ZMAT1: variants seen among roughly 807,000 people sequenced by gnomAD.
ZMAT1 encodes the protein zinc finger matrin-type protein 1.
In ZMAT1, 11 loss-of-function variants were observed where a neutral mutation model predicts 18.5. That is an observed-to-expected ratio of 0.59 (90% CI 0.37 to 0.98). The LOEUF is 0.98. Among genes scored for constraint, ZMAT1 ranks in the 50% least tolerant of loss-of-function variants. The pLI is 0.01. For synonymous variants in ZMAT1, 211 were observed against 176.4 expected, an observed-to-expected ratio of 1.20 and a Z score of -1.55; for missense variants, 525 against 496.2, an observed-to-expected ratio of 1.06 and a Z score of -0.55.
chrX:101,911,029 G>A (rs1928928423), intron 1 of ZMAT1, among the ~76,000 whole-genome samples: 1 of 110,798 alleles, frequency 9.0e-6, no homozygotes, highest in Non-Finnish European at 1.9e-5. Context: ...CCTAAAAACA[G>A]CAAGAGAAAA....
At chrX:101,887,031 A>G (rs1927012662) in intron 4 of ZMAT1, 2 of 161,059 alleles carry the variant, frequency 1.2e-5, no homozygotes, top group African/African-American at 6.0e-5. Context: ...CTGTTGCTAC[A>G]TGGAGGTGCA....
At chrX:101,929,454 T>TACA (rs1267480895) in intron 1 of ZMAT1, among the ~76,000 whole-genome samples, 1 of 68,551 alleles carries the variant, frequency 1.5e-5, no homozygotes, top group Non-Finnish European at 2.9e-5. Flanking sequence ...TATATATATA[T>TACA]ATACACACAG....
At chrX:101,925,367 C>T (rs1443323815) in intron 1 of ZMAT1, among the ~76,000 whole-genome samples, 1 of 112,120 alleles carries the variant, frequency 8.9e-6, no homozygotes, top group East Asian at 2.8e-4. Flanking sequence ...CTCTTCATTT[C>T]CCTCTTACAA....
At position 101,930,640 on chromosome X, in the gene ZMAT1, C is replaced by G. The variant is rs145052708; in HGVS notation, c.292+1077G>C. ...AACTTACTTTCCTCTATTTTGGTGT[C>G]CACAATCTTTCACTTTGGAGGCAAG... On this transcript the variant is annotated intron_variant, in intron 1 of 5. Coordinates refer to ENST00000651725, the MANE Select transcript of ZMAT1 (RefSeq NM_001394560.1). 5.1e-3 allele frequency among the ~76,000 whole-genome samples: 567 copies of G among 112,011 alleles called. 3 individuals carry two copies. Among genetic ancestry groups the G allele is most frequent in the African/African-American group, 0.017 (516 of 30,826 alleles).
chrX:101,914,408 C>T (rs966533204), intron 1 of ZMAT1, among the ~76,000 whole-genome samples: 2 of 110,802 alleles, frequency 1.8e-5, no homozygotes, highest in African/African-American at 3.3e-5. Context: ...AAACAAAAAG[C>T]TGGGTTTTTT....
chrX:101,902,957 C>A (rs1318936976), intron 2 of ZMAT1, among the ~76,000 whole-genome samples: 1 of 111,267 alleles, frequency 9.0e-6, no homozygotes, highest in East Asian at 2.8e-4. Context: ...ATTGGAATCA[C>A]AGAAGCAAAA....
In ZMAT1 at chrX:101,925,002, T is replaced by C. The variant is rs756803740; in HGVS notation, c.292+6715A>G. On this transcript the variant is annotated intron_variant, in intron 1 of 5. Coordinates refer to ENST00000651725, the MANE Select transcript of ZMAT1 (RefSeq NM_001394560.1). ...TTCACACTTAAAATGGCAAAGTTTA[T>C]GGTGTGCATATTTTACAATAAAACA... Among the ~76,000 whole-genome samples, 7 of 111,994 alleles carry C rather than the reference T, an allele frequency of 6.3e-5. No homozygotes were observed. The South Asian group carries it at 2.6e-3, about 41-fold the overall frequency.
intron 1 of ZMAT1, among the ~76,000 whole-genome samples, chrX:101,905,226 G>A (rs1335482520): frequency 8.9e-6 from 1 of 111,906 alleles, no homozygotes; most frequent in Non-Finnish European, 1.9e-5. Flanking sequence ...GCCTACTAAT[G>A]TGGCCAAACA....
At chrX:101,894,296 G>A (rs893808362) in intron 4 of ZMAT1, among the ~76,000 whole-genome samples, 1 of 111,554 alleles carries the variant, frequency 9.0e-6, no homozygotes, top group Admixed American at 9.5e-5. Flanking sequence ...ACACTGAGTA[G>A]CAAACCTCTA....
intron 4 of ZMAT1, chrX:101,889,846 A>G (rs1311575472): frequency 8.9e-6 from 1 of 111,983 alleles, no homozygotes; most frequent in Non-Finnish European, 1.9e-5. Flanking sequence ...TACTTATATA[A>G]CGAACCTTCA....
chrX:101,913,638 A>G (rs1929106873), intron 1 of ZMAT1, among the ~76,000 whole-genome samples: 1 of 111,874 alleles, frequency 8.9e-6, no homozygotes, highest in Non-Finnish European at 1.9e-5. Flanking sequence ...CAGAGGGAGG[A>G]CATAACAATT....
At position 101,886,205 on chromosome X, in the gene ZMAT1, A is replaced by C. The variant is rs767022496; in HGVS notation, c.776+427T>G. Among the ~76,000 whole-genome samples, 152 of 111,859 alleles carry C rather than the reference A, an allele frequency of 1.4e-3. 1 individual carries two copies. The highest frequency in any genetic ancestry group is 4.5e-3 in the African/African-American group (139 of 30,850). On this transcript the variant is annotated intron_variant, in intron 5 of 5. Coordinates refer to ENST00000651725, the MANE Select transcript of ZMAT1 (RefSeq NM_001394560.1). ...TGACCAAAGTTATACACTTGGTAGA[A>C]AAATGGATCTGGTATTCTAATCCAG...
At chrX:101,913,863 C>T (rs1365172346) in intron 1 of ZMAT1, among the ~76,000 whole-genome samples, 2 of 111,823 alleles carry the variant, frequency 1.8e-5, no homozygotes, top group East Asian at 5.6e-4. Flanking sequence ...ATTTACAGAA[C>T]ATGTCATGCA....
At chrX:101,931,537 G>A in intron 1 of ZMAT1, 180 bp downstream of exon 1, 1 of 742,177 alleles carries the variant, frequency 1.3e-6, no homozygotes, top group Non-Finnish European at 1.6e-6. Context: ...CTCTGCTTCA[G>A]TCCATCTTGC....
chrX:101,886,648 T>C lies in ZMAT1; in HGVS notation c.760A>G (p.Ser254Gly). 1 of 1,203,805 alleles carries C rather than the reference T, an allele frequency of 8.3e-7. No individual in the cohort carries two copies. The highest frequency in any genetic ancestry group is 1.1e-6 in the Non-Finnish European group (1 of 891,402). ...LDMFRSHMQG[S>G]EHQIKESIVI... ...AATACTTACTTAATTTGATGTTCAC[T>C]TCCTTGCATGTGGGACCGGAACATA... Residue 254 changes from serine (S) to glycine (G), a missense_variant, in exon 5 of 6, where the codon AGT (serine) becomes GGT (glycine). By Grantham distance (56) the Ser-to-Gly change is moderately conservative. Coordinates refer to ENST00000651725, the MANE Select transcript of ZMAT1 (RefSeq NM_001394560.1).
intron 1 of ZMAT1, among the ~76,000 whole-genome samples, chrX:101,904,822 C>T (rs1002915906): frequency 9.0e-6 from 1 of 110,779 alleles, no homozygotes; most frequent in African/African-American, 3.3e-5. Flanking sequence ...TGGTGGCATG[C>T]GCCTGTGGTC....
At position 101,886,673 on chromosome X, in the gene ZMAT1, A is replaced by T; in HGVS notation, c.735T>A (p.Asp245Glu). The change falls in exon 5 of 6, where the codon GAT becomes GAA. Residue 245 changes from aspartate (D) to glutamate (E), a missense_variant. By Grantham distance (45) the Asp-to-Glu change is conservative (BLOSUM62 2). Transcript: ENST00000651725. ...TTCCTTGCATGTGGGACCGGAACATATCTAAAGATGTAAAAGCAATACTAC... is the reference window on the plus strand; with the variant it reads ...TTCCTTGCATGTGGGACCGGAACATTTCTAAAGATGTAAAAGCAATACTAC... Reference protein sequence around the residue: ...HICSIAFTSLDMFRSHMQGSE... With the variant: ...HICSIAFTSLEMFRSHMQGSE... The T allele has an allele frequency of 2.4e-5, 29 of 1,207,818 alleles. No homozygotes were observed. Among genetic ancestry groups the T allele is most frequent in the Non-Finnish European group, 3.2e-5 (29 of 893,511 alleles).
intron 4 of ZMAT1, chrX:101,895,779 G>A: frequency 1.4e-6 from 1 of 716,601 alleles, no homozygotes. Flanking sequence ...AATCACTGCT[G>A]GGAGAGGAAG....
At chrX:101,929,403 A>ATG (rs1395544521) in intron 1 of ZMAT1, among the ~76,000 whole-genome samples, 2 of 77,226 alleles carry the variant, frequency 2.6e-5, no homozygotes, top group African/African-American at 9.0e-5. Context: ...ATATATATAT[A>ATG]TTCTATATAT....
Sources: gnomAD v4.1 joint callset for allele counts (sites outside exome capture counted in the v4.1 genomes callset) on GRCh38, gnomAD v4.1.1 for gene constraint, MANE v1.5 for transcripts, NCBI Gene and HGNC (gene_info 2026-07-23, HGNC 2026-07-21) for gene names.